The following HRH2 variants were observed in gnomAD, a reference collection of about 807,000 sequenced individuals.
The protein encoded by HRH2 is histamine H2 receptor.
A neutral mutation model predicts 20.1 loss-of-function variants in HRH2; 4 were observed. The ratio of observed to expected loss-of-function variants is 0.20; its 90% CI spans 0.10 to 0.45. The LOEUF is 0.45. HRH2 is among the 20% of genes least tolerant of loss of function. HRH2 has a pLI of 0.99. For missense variants in HRH2, 250 were observed against 461.6 expected, an observed-to-expected ratio of 0.54 and a Z score of 4.20; for synonymous variants, 197 against 200.7, an observed-to-expected ratio of 0.98 and a Z score of 0.16.
intron 2 of HRH2, among the ~76,000 whole-genome samples, chr5:175,705,230 C>T (rs759075688): frequency 6.6e-6 from 1 of 152,038 alleles, no homozygotes. Context: ...CAGGAATAGC[C>T]AAGTCTTTTC....
At chr5:175,706,295 T>C (rs1237961277) in intron 2 of HRH2, among the ~76,000 whole-genome samples, 2 of 152,232 alleles carry the variant, frequency 1.3e-5, no homozygotes, top group African/African-American at 4.8e-5. Context: ...ATGCATTTCA[T>C]TTAAAAATAT....
chr5:175,689,018 C>A (rs1486790800), intron 2 of HRH2, among the ~76,000 whole-genome samples: 1 of 152,164 alleles, frequency 6.6e-6, no homozygotes, highest in Admixed American at 6.5e-5. Flanking sequence ...CTCCTGATGC[C>A]TGGAGGGCTC....
rs1284183793 is a variant in HRH2, at chr5:175,658,103, G to GCGGGAC, written c.-575_-570dup. The GCGGGAC allele has an allele frequency of 6.6e-6, 1 of 151,826 alleles. No homozygotes were observed. Among genetic ancestry groups the GCGGGAC allele is most frequent in the African/African-American group, 2.4e-5 (1 of 41,386 alleles). 9.4% of individuals were successfully genotyped at this position (151,826 alleles called of 1,614,324 possible). A position where few individuals can be genotyped will look rare whatever the true frequency, so the allele number is the denominator to read the frequency against. ...TGCCCGGAGCGCAGCCGGCGCGGGC[G>GCGGGAC]CGGGACCGAGGCGAACCGGGTGCGG... is the stretch of plus-strand genomic sequence containing the variant. On this transcript the variant is annotated 5_prime_UTR_variant, in exon 1 of 3. Coordinates refer to ENST00000636584, the MANE Select transcript of HRH2 (RefSeq NM_001367711.1).
At chr5:175,666,398 A>T (rs1762894669) in intron 1 of HRH2, among the ~76,000 whole-genome samples, 1 of 152,110 alleles carries the variant, frequency 6.6e-6, no homozygotes, top group South Asian at 2.1e-4. Flanking sequence ...ACCCCAGTTG[A>T]TGTGACTCAC....
intron 1 of HRH2, among the ~76,000 whole-genome samples, chr5:175,680,246 G>A (rs901077876): frequency 2.6e-5 from 4 of 152,220 alleles, no homozygotes; most frequent in South Asian, 2.1e-4. Flanking sequence ...GAATGGCTTC[G>A]ATCTAAGTGA....
intron 2 of HRH2, among the ~76,000 whole-genome samples, chr5:175,706,844 C>T (rs760417184): frequency 5.5e-4 from 84 of 152,322 alleles, no homozygotes; most frequent in Non-Finnish European, 9.8e-4. Context: ...ATCAGGTGGA[C>T]GCTAAAGGCA....
At chr5:175,695,270 G>A (rs1024884352) in intron 2 of HRH2, among the ~76,000 whole-genome samples, 2 of 152,098 alleles carry the variant, frequency 1.3e-5, no homozygotes, top group Non-Finnish European at 1.5e-5. Context: ...CTGACCTTGG[G>A]CACGCTGATT....
At chr5:175,702,205 T>C (rs576557674) in intron 2 of HRH2, among the ~76,000 whole-genome samples, 1 of 151,922 alleles carries the variant, frequency 6.6e-6, no homozygotes, top group East Asian at 1.9e-4. Context: ...AGATTCCATA[T>C]GGTATGGAGG....
At chr5:175,688,995 T>G (rs1756272543) in intron 2 of HRH2, among the ~76,000 whole-genome samples, 2 of 152,164 alleles carry the variant, frequency 1.3e-5, no homozygotes, top group Non-Finnish European at 2.9e-5. Context: ...GGCCTTTGCC[T>G]GTGGCTTCAA....
In HRH2 at chr5:175,684,410, T is replaced by C. The variant is rs1299113424; in HGVS notation, c.1076+101T>C. On this transcript the variant is annotated intron_variant, in intron 2 of 2. Coordinates refer to ENST00000636584, the MANE Select transcript of HRH2 (RefSeq NM_001367711.1). ...CTGCTGTTTAGGTGGTGCTGGTTTA[T>C]GTTCTAGGAACTCTTCATGAGCACT... 3.3e-6 allele frequency: 5 copies of C among 1,500,680 alleles called. No individual in the cohort carries two copies. In the Admixed American group the frequency reaches 6.6e-5, roughly 20 times the overall value. 93.0% of individuals were successfully genotyped at this position (1,500,680 alleles called of 1,614,324 possible).
At chr5:175,670,436 A>C (rs1024043301) in intron 1 of HRH2, among the ~76,000 whole-genome samples, 6 of 152,194 alleles carry the variant, frequency 3.9e-5, no homozygotes, top group African/African-American at 1.4e-4. Context: ...TTTGCTGTCC[A>C]AAAATTTTGA....
intron 2 of HRH2, among the ~76,000 whole-genome samples, chr5:175,700,400 G>A (rs1756757865): frequency 6.6e-6 from 1 of 152,174 alleles, no homozygotes; most frequent in South Asian, 2.1e-4. Flanking sequence ...CTTGGACAAG[G>A]TAGATGATGA....
rs1420918531 is a variant in HRH2, at chr5:175,684,305, G to A, written c.1072G>A (p.Asp358Asn). The change falls in exon 2 of 3, where the codon GAC (aspartate) becomes AAC (asparagine). Residue 358 changes from aspartate to asparagine, a missense_variant. Around this residue, in one of 5 missense-constraint regions of HRH2, gnomAD observed 55 missense variants for 66.9 expected, o/e 0.82. Coordinates refer to ENST00000636584, the MANE Select transcript of HRH2 (RefSeq NM_001367711.1). ...TEVTAPQGAT[D>N]RKPALSCTTC... Reference sequence around the variant, plus strand: ...AGTCACGGCCCCCCAGGGAGCCACAGACAGGTAATAGCCCTAGCCATTGGT... The same window carrying A: ...AGTCACGGCCCCCCAGGGAGCCACAAACAGGTAATAGCCCTAGCCATTGGT... 1.2e-6 allele frequency: 2 copies of A among 1,613,824 alleles called. No homozygotes were observed. The highest frequency in any genetic ancestry group is 1.3e-5 in the African/African-American group (1 of 75,002).
At chr5:175,707,467 A>C (rs1481404296) in intron 2 of HRH2, among the ~76,000 whole-genome samples, 3 of 152,296 alleles carry the variant, frequency 2.0e-5, no homozygotes, top group African/African-American at 7.2e-5. Flanking sequence ...AAAATCGTGA[A>C]TTGGATATTT....
chr5:175,658,223 C>G (rs931946726), intron 1 of HRH2, 68 bp downstream of exon 1: 1 of 151,858 alleles, frequency 6.6e-6, no homozygotes, highest in African/African-American at 2.4e-5. Context: ...CTTGGGGACC[C>G]GGCGTGGGCT....
chr5:175,706,421 G>A (rs1756942365), intron 2 of HRH2, among the ~76,000 whole-genome samples: 3 of 152,330 alleles, frequency 2.0e-5, no homozygotes, highest in Admixed American at 2.0e-4. Context: ...TGAACATGCG[G>A]TATTTCCAAA....
intron 2 of HRH2, among the ~76,000 whole-genome samples, chr5:175,702,152 A>G (rs750332730): frequency 4.6e-5 from 7 of 152,208 alleles, no homozygotes; most frequent in Non-Finnish European, 8.8e-5. Flanking sequence ...CTAAATATGC[A>G]TGTCAAAATG....
chr5:175,671,851 C>T (rs1468653364), intron 1 of HRH2, among the ~76,000 whole-genome samples: 1 of 151,784 alleles, frequency 6.6e-6, no homozygotes, highest in East Asian at 1.9e-4. Context: ...GTGTAGAGCT[C>T]TGTAAATGTC....
At chr5:175,660,547 A>G (rs1762710067) in intron 1 of HRH2, among the ~76,000 whole-genome samples, 1 of 152,188 alleles carries the variant, frequency 6.6e-6, no homozygotes, top group African/African-American at 2.4e-5. Flanking sequence ...TTGCCCATGG[A>G]TGGTGGGGTT....
Sources: allele counts gnomAD v4.1 joint callset (sites outside exome capture counted in the v4.1 genomes callset), GRCh38; gene constraint gnomAD v4.1.1; regional missense constraint gnomAD v4.1.1; transcripts MANE v1.5; gene names NCBI Gene and HGNC (gene_info 2026-07-23, HGNC 2026-07-21).